SV2B: variants seen among roughly 807,000 people sequenced by gnomAD.
The protein encoded by SV2B is solute carrier family 22 member B2.
In SV2B, 41 loss-of-function variants were observed where a neutral mutation model predicts 73.9. The ratio of observed to expected loss-of-function variants is 0.56; its 90% CI spans 0.43 to 0.72. The LOEUF (loss-of-function observed/expected upper bound fraction) is 0.72. SV2B is among the 30% of genes least tolerant of loss of function. SV2B has a pLI of 0.00. For synonymous variants in SV2B, 314 were observed against 314.2 expected (o/e 1.00, Z 0.01); for missense variants, 764 against 857.8 (o/e 0.89, Z 1.37).
intron 2 of SV2B, among the ~76,000 whole-genome samples, chr15:91,244,676 T>C (rs951602773): frequency 6.6e-6 from 1 of 152,210 alleles, no homozygotes; most frequent in African/African-American, 2.4e-5. Flanking sequence ...TTCCCATATA[T>C]GTTAAAACAT....
intron 1 of SV2B, among the ~76,000 whole-genome samples, chr15:91,168,123 C>T (rs72764759): frequency 0.065 from 9,965 of 152,186 alleles, 430 homozygotes; most frequent in Non-Finnish European, 0.089. Context: ...ACTAGGATTT[C>T]ATACCTAGAT....
In SV2B at chr15:91,128,384, C is replaced by T. The variant is rs141492759; in HGVS notation, c.-392+28021C>T. On this transcript the variant is annotated intron_variant, in intron 1 of 12. Transcript: ENST00000394232. The surrounding 1 kb of genome is among the most constrained non-coding windows in gnomAD (Gnocchi z 4.2). ...GCAGAGTCAGAAAAAGTGAATGGAC[C>T]AGGTACTTACCCAGGGTCTGATTCC... 6.6e-6 allele frequency among the ~76,000 whole-genome samples: 1 copy of T among 152,242 alleles called. No homozygotes were observed. The highest frequency in any genetic ancestry group is 1.5e-5 in the Non-Finnish European group (1 of 68,028).
chr15:91,228,050 G>T (rs912166634), intron 2 of SV2B, among the ~76,000 whole-genome samples: 2 of 152,212 alleles, frequency 1.3e-5, no homozygotes, highest in African/African-American at 4.8e-5. Flanking sequence ...CCTGCGGGCT[G>T]CAGTTTGCAA....
chr15:91,110,073 C>T lies in SV2B; in HGVS notation c.-392+9710C>T, dbSNP rs1336903206. ...TAAAAGAGCTGTCCGTCATTACTCA[C>T]ATTACAAATCACGCTCACTCAGGAG... On this transcript the variant is annotated intron_variant, in intron 1 of 12. Coordinates refer to ENST00000394232, the MANE Select transcript of SV2B (RefSeq NM_001323032.3). This position sits in a 1 kb window ranked among gnomAD's most constrained non-coding sequence, Gnocchi z 5.4. Among the ~76,000 whole-genome samples, 2 of 152,186 alleles carry T rather than the reference C, an allele frequency of 1.3e-5. No homozygotes were observed. The highest frequency in any genetic ancestry group is 2.9e-5 in the Non-Finnish European group (2 of 68,040).
At chr15:91,213,460 G>A (rs1284836714) in intron 1 of SV2B, among the ~76,000 whole-genome samples, 1 of 152,072 alleles carries the variant, frequency 6.6e-6, no homozygotes, top group Non-Finnish European at 1.5e-5. Context: ...GGAATACAAA[G>A]GTAAAGGTAT....
rs1278650843 is a variant in SV2B, at chr15:91,240,918, A to G, written c.452-10901A>G. Among the ~76,000 whole-genome samples, 1 of 152,066 alleles carries G rather than the reference A, an allele frequency of 6.6e-6. No homozygotes were observed. The highest frequency in any genetic ancestry group is 1.5e-5 in the Non-Finnish European group (1 of 68,018). On this transcript the variant is annotated intron_variant, in intron 2 of 12. Transcript: ENST00000394232. This position sits in a 1 kb window ranked among gnomAD's most constrained non-coding sequence, Gnocchi z 4.6. ...TTGCTCTTTCTTGCTCCCCCTGGACATTTCCAGGCCATTCTCCCTCTCTCC... is the reference window on the plus strand; with the variant it reads ...TTGCTCTTTCTTGCTCCCCCTGGACGTTTCCAGGCCATTCTCCCTCTCTCC...
At chr15:91,204,944 T>G (rs1214833307) in intron 1 of SV2B, among the ~76,000 whole-genome samples, 1 of 152,192 alleles carries the variant, frequency 6.6e-6, no homozygotes, top group East Asian at 1.9e-4. Flanking sequence ...AGAAAACAGG[T>G]TGAAAGACCT....
intron 9 of SV2B, among the ~76,000 whole-genome samples, chr15:91,274,207 T>C (rs2048408781): frequency 6.6e-6 from 1 of 152,242 alleles, no homozygotes; most frequent in Non-Finnish European, 1.5e-5. Flanking sequence ...CTAGGCTATG[T>C]ACCTAGAAGA....
rs1057275720 is a variant in SV2B at position 91,224,190 on chromosome 15, A to G, written c.-391-1683A>G. ...GAGGAGTCAAGTAGCCATGGTGAGG[A>G]CAAATGTATCCAATCCTTTGTGAGG... is the stretch of plus-strand genomic sequence containing the variant. On this transcript the variant is annotated intron_variant, in intron 1 of 12. Coordinates refer to ENST00000394232, the MANE Select transcript of SV2B (RefSeq NM_001323032.3). This position sits in a 1 kb window ranked among gnomAD's most constrained non-coding sequence, Gnocchi z 4.9. Among the ~76,000 whole-genome samples the G allele has an allele frequency of 1.3e-5, 2 of 152,140 alleles. No homozygotes were observed. Among genetic ancestry groups the G allele is most frequent in the African/African-American group, 4.8e-5 (2 of 41,416 alleles).
At chr15:91,244,365 G>A (rs962878446) in intron 2 of SV2B, among the ~76,000 whole-genome samples, 5 of 152,140 alleles carry the variant, frequency 3.3e-5, no homozygotes, top group African/African-American at 7.2e-5. Context: ...CAACTACCAA[G>A]AGAATGGACA....
chr15:91,167,115 A>T (rs1450239299), intron 1 of SV2B, among the ~76,000 whole-genome samples: 4 of 152,076 alleles, frequency 2.6e-5, no homozygotes, highest in Non-Finnish European at 5.9e-5. Flanking sequence ...GCCCGGCCGT[A>T]TAGTTTTTAT....
rs2042142622 is a variant in SV2B, at chr15:91,115,163, C to T, written c.-392+14800C>T. 6.6e-6 allele frequency among the ~76,000 whole-genome samples: 1 copy of T among 151,928 alleles called. No homozygotes were observed. Among genetic ancestry groups the T allele is most frequent in the South Asian group, 2.1e-4 (1 of 4,820 alleles). On this transcript the variant is annotated intron_variant, in intron 1 of 12. Coordinates refer to ENST00000394232, the MANE Select transcript of SV2B (RefSeq NM_001323032.3). The surrounding 1 kb of genome is among the most constrained non-coding windows in gnomAD (Gnocchi z 4.3). ...CACTACACACGCTGAGCTGGCTTCTCTTGCTGAAATAAAGATTACAAAGTG... is the reference window on the plus strand; with the variant it reads ...CACTACACACGCTGAGCTGGCTTCTTTTGCTGAAATAAAGATTACAAAGTG...
intron 2 of SV2B, among the ~76,000 whole-genome samples, chr15:91,248,964 C>A (rs1567390879): frequency 6.6e-6 from 1 of 151,924 alleles, no homozygotes; most frequent in Non-Finnish European, 1.5e-5. Context: ...CTCTAAGTCT[C>A]TTTTCCCTCT....
In SV2B at chr15:91,241,725, A is replaced by G. The variant is rs1371379879; in HGVS notation, c.452-10094A>G. ...GTGTGAGGCTCACTGGTCTCCCTGT[A>G]TCCCATCCCCTCTCACCTCCCCAGA... On this transcript the variant is annotated intron_variant, in intron 2 of 12. Transcript: ENST00000394232. This position sits in a 1 kb window ranked among gnomAD's most constrained non-coding sequence, Gnocchi z 4.8. Among the ~76,000 whole-genome samples the G allele has an allele frequency of 6.6e-6, 1 of 151,882 alleles. No individual in the cohort carries two copies. The highest frequency in any genetic ancestry group is 1.5e-5 in the Non-Finnish European group (1 of 67,958).
rs1158148235 is a variant in SV2B at position 91,281,827 on chromosome 15, T to C, written c.1473T>C (p.Asn491=). The C allele has an allele frequency of 6.2e-7, 1 of 1,613,044 alleles. No homozygotes were observed. The highest frequency in any genetic ancestry group is 1.7e-5 in the Admixed American group (1 of 60,014). The change falls in exon 10 of 13, where the codon AAT becomes AAC. Residue 491 remains asparagine (N), a synonymous_variant. Transcript: ENST00000394232. This position sits in a 1 kb window ranked among gnomAD's most constrained non-coding sequence, Gnocchi z 4.7. The stretch of plus-strand genomic sequence containing the variant: ...CATCAACAGATACCTACTTCAAAAA[T>C]TGTACCATTGAATCAACCATCTTTT... ...DVTSTDTYFK[N]CTIESTIFYN... is the part of the protein sequence containing the mutation.
At position 91,118,536 on chromosome 15, in the gene SV2B, T is replaced by C. The variant is rs1408445833; in HGVS notation, c.-392+18173T>C. ...GGGAGGAGCAGGAGCCCCAGGGCTGTCCAGGCTCAATCACAAAAGGAGGAA... is the reference window on the plus strand; with the variant it reads ...GGGAGGAGCAGGAGCCCCAGGGCTGCCCAGGCTCAATCACAAAAGGAGGAA... On this transcript the variant is annotated intron_variant, in intron 1 of 12. Transcript: ENST00000394232. The surrounding 1 kb of genome is among the most constrained non-coding windows in gnomAD (Gnocchi z 4.7). 6.6e-6 allele frequency among the ~76,000 whole-genome samples: 1 copy of C among 152,084 alleles called. No homozygotes were observed. The highest frequency in any genetic ancestry group is 1.5e-5 in the Non-Finnish European group (1 of 68,004).
rs2047802680 is a variant in SV2B at position 91,258,879 on chromosome 15, A to C, written c.918+325A>C. Among the ~76,000 whole-genome samples, 1 of 150,324 alleles carries C rather than the reference A, an allele frequency of 6.7e-6. No homozygotes were observed. Among genetic ancestry groups the C allele is most frequent in the Non-Finnish European group, 1.5e-5 (1 of 67,658 alleles). On this transcript the variant is annotated intron_variant, in intron 5 of 12. Coordinates refer to ENST00000394232, the MANE Select transcript of SV2B (RefSeq NM_001323032.3). This position sits in a 1 kb window ranked among gnomAD's most constrained non-coding sequence, Gnocchi z 4.7. The stretch of plus-strand genomic sequence containing the variant: ...CCCACTGTCCCCCGAGGTCCTGATT[A>C]GGAAGTTTTTTAGCCTGGGCTACAC...
intron 1 of SV2B, among the ~76,000 whole-genome samples, chr15:91,211,806 T>TG (rs1429272680): frequency 2.8e-4 from 40 of 145,230 alleles, no homozygotes; most frequent in Admixed American, 2.7e-4. Flanking sequence ...CTGGGCTTTT[T>TG]TTTTTTTTTT....
At chr15:91,285,620 C>T (rs887897555) in intron 11 of SV2B, among the ~76,000 whole-genome samples, 1 of 152,202 alleles carries the variant, frequency 6.6e-6, no homozygotes, top group African/African-American at 2.4e-5. Flanking sequence ...CTTCTTTGAG[C>T]TTCCATTTTC....
Sources: allele counts gnomAD v4.1 joint callset (sites outside exome capture counted in the v4.1 genomes callset), GRCh38; gene constraint gnomAD v4.1.1; non-coding constraint Gnocchi (gnomAD v3.1); transcripts MANE v1.5; gene names NCBI Gene and HGNC (gene_info 2026-07-23, HGNC 2026-07-21).